APBB1: variants seen among roughly 807,000 people sequenced by gnomAD.
The protein encoded by APBB1 is amyloid beta precursor protein binding family B member 1, also known as adaptor protein FE65a2.
Under a neutral mutation model 78.4 loss-of-function variants are expected in APBB1, and 22 were observed. The observed-to-expected ratio is 0.28, with a 90% CI of 0.20 to 0.40. The LOEUF (loss-of-function observed/expected upper bound fraction) is 0.40, where lower values mean the gene tolerates loss of function less well. Ranked by LOEUF, APBB1 falls within the 10% of genes least tolerant of loss-of-function variation. APBB1 has a pLI of 1.00. For missense variants in APBB1, 749 were observed against 932.4 expected (o/e 0.80, Z 2.56); for synonymous variants, 369 against 372.7 (o/e 0.99, Z 0.12).
intron 2 of APBB1, chr11:6,404,848 C>A (rs1271069408): frequency 6.5e-7 from 1 of 1,531,614 alleles, no homozygotes; most frequent in Admixed American, 2.0e-5. Context: ...CACAGCCCCT[C>A]CAGCCCAGCC....
At chr11:6,412,604 C>T (rs934942325) in intron 1 of APBB1, among the ~76,000 whole-genome samples, 5 of 152,206 alleles carry the variant, frequency 3.3e-5, no homozygotes, top group Non-Finnish European at 7.3e-5. Flanking sequence ...TTATTATTTA[C>T]TTTGTCTAAT....
Position 6,402,663 on chromosome 11 carries a change from G to T in APBB1, c.1167C>A (p.Arg389=), listed in dbSNP as rs942342449. 12 of 1,614,152 alleles carry T rather than the reference G, an allele frequency of 7.4e-6. No individual in the cohort carries two copies. The highest frequency in any genetic ancestry group is 1.0e-5 in the Non-Finnish European group (12 of 1,180,030). The change falls in exon 7 of 15, where the codon CGC becomes CGA. Residue 389 remains arginine (R), a synonymous_variant. Coordinates refer to ENST00000609360, the MANE Select transcript of APBB1 (RefSeq NM_001164.5). ...EMTEEELAPG[R]SSVAVNNCIR... ...TGCAATTGTTGACTGCCACACTGCT[G>T]CGTCCAGGGGCCAGCTCCTCCTCGG... is the stretch of plus-strand genomic sequence containing the variant.
chr11:6,400,849 G>A (rs1365060012), intron 12 of APBB1, 140 bp downstream of exon 12: 1 of 806,876 alleles, frequency 1.2e-6, no homozygotes, highest in Middle Eastern at 2.7e-4. Context: ...CAGAAGTATG[G>A]GGAGGTGGGA....
rs775826996 is a variant in APBB1 at position 6,401,566 on chromosome 11, G to A, written c.1503+8C>T. The A allele has an allele frequency of 1.2e-6, 2 of 1,614,184 alleles. No individual in the cohort carries two copies. The highest frequency in any genetic ancestry group is 1.7e-5 in the Admixed American group (1 of 60,034). ...GGCAACTAGTCCAGGGAGTGGAGGG[G>A]GCCGTGCCTTAGAGCAGATCTCATG... On this transcript the variant is annotated splice_region_variant and intron_variant, in intron 10 of 14. Coordinates refer to ENST00000609360, the MANE Select transcript of APBB1 (RefSeq NM_001164.5). This position sits in a 1 kb window ranked among gnomAD's most constrained non-coding sequence, Gnocchi z 4.5.
Position 6,395,382 on chromosome 11 carries a change from C to G in APBB1, c.*152G>C. ...CCTTGAAGGGATTAGATCTCTCCCTCCCCAGCTCCTAGGCAGGGAACCGTA... is the reference window on the plus strand; with the variant it reads ...CCTTGAAGGGATTAGATCTCTCCCTGCCCAGCTCCTAGGCAGGGAACCGTA... On this transcript the variant is annotated 3_prime_UTR_variant, in exon 15 of 15. Transcript: ENST00000609360. This position sits in a 1 kb window ranked among gnomAD's most constrained non-coding sequence, Gnocchi z 5.2. 1.2e-6 allele frequency: 1 copy of G among 804,410 alleles called. No individual in the cohort carries two copies. Among genetic ancestry groups the G allele is most frequent in the Non-Finnish European group, 1.9e-6 (1 of 539,122 alleles). The allele number at this position is 804,410 out of a possible 1,614,324, so 49.8% of individuals were successfully genotyped here. A position where few individuals can be genotyped will look rare whatever the true frequency, so the allele number is the denominator to read the frequency against.
At chr11:6,412,884 G>C (rs868309800) in intron 1 of APBB1, among the ~76,000 whole-genome samples, 1 of 152,040 alleles carries the variant, frequency 6.6e-6, no homozygotes, top group South Asian at 2.1e-4. Flanking sequence ...GTAAGAGGAC[G>C]TCCTGTTCCG....
chr11:6,404,642 G>A (rs1225371394), intron 2 of APBB1: 2 of 1,536,282 alleles, frequency 1.3e-6, no homozygotes, highest in African/African-American at 2.7e-5. Flanking sequence ...TCTGCCGGCA[G>A]AGCCACACCA....
chr11:6,404,456 C>A, intron 2 of APBB1: 2 of 916,818 alleles, frequency 2.2e-6, no homozygotes, highest in Non-Finnish European at 3.3e-6. Flanking sequence ...CCCCAACACA[C>A]GTGTGGGTAC....
Position 6,401,906 on chromosome 11 carries a change from G to GACCCCTTCC in APBB1, c.1388+70_1388+71insGGAAGGGGT, listed in dbSNP as rs1848536314. 5 of 1,548,468 alleles carry GACCCCTTCC rather than the reference G, an allele frequency of 3.2e-6. No individual in the cohort carries two copies. The highest frequency in any genetic ancestry group is 4.4e-6 in the Non-Finnish European group (5 of 1,148,536). On this transcript the variant is annotated intron_variant, in intron 9 of 14. Transcript: ENST00000609360. This position sits in a 1 kb window ranked among gnomAD's most constrained non-coding sequence, Gnocchi z 4.5. ...AGCATAGCGGGTGGGAAGGGGCAGG[G>GACCCCTTCC]CAGAAGAGGGGAGCTTGGGTGCTTC...
At chr11:6,399,704 ACT>A (rs1444646054) in intron 12 of APBB1, among the ~76,000 whole-genome samples, 2 of 152,186 alleles carry the variant, frequency 1.3e-5, no homozygotes, top group African/African-American at 4.8e-5. Context: ...AGGCAAGTGC[ACT>A]CTCGGAGACT....
At position 6,411,982 on chromosome 11, in the gene APBB1, T is replaced by C. The variant is rs1848977279; in HGVS notation, c.-14-621A>G. Among the ~76,000 whole-genome samples, 1 of 152,228 alleles carries C rather than the reference T, an allele frequency of 6.6e-6. No homozygotes were observed. Among genetic ancestry groups the C allele is most frequent in the Non-Finnish European group, 1.5e-5 (1 of 68,042 alleles). ...AGGGAGGGCGCTCGGCTGCAATTCA[T>C]GGCTTCTCTGGCCAGATGAAGCTAC... is the stretch of plus-strand genomic sequence containing the variant. On this transcript the variant is annotated intron_variant, in intron 1 of 14. Coordinates refer to ENST00000609360, the MANE Select transcript of APBB1 (RefSeq NM_001164.5). This position sits in a 1 kb window ranked among gnomAD's most constrained non-coding sequence, Gnocchi z 5.2.
Position 6,395,706 on chromosome 11 carries a change from G to T in APBB1, c.1966-5C>A. ...CAGACACTTCTGGTAGCGAAGCTGC[G>T]GAGGCAAGCAGGGCAGTCACTCCCC... is the stretch of plus-strand genomic sequence containing the variant. On this transcript the variant is annotated splice_polypyrimidine_tract_variant and splice_region_variant and intron_variant, in intron 14 of 14. Coordinates refer to ENST00000609360, the MANE Select transcript of APBB1 (RefSeq NM_001164.5). This position sits in a 1 kb window ranked among gnomAD's most constrained non-coding sequence, Gnocchi z 5.2. The T allele has an allele frequency of 6.3e-7, 1 of 1,588,370 alleles. No individual in the cohort carries two copies. The highest frequency in any genetic ancestry group is 2.2e-5 in the East Asian group (1 of 44,584).
chr11:6,410,680 C>T lies in APBB1; in HGVS notation c.668G>A (p.Ser223Asn). Residue 223 changes from serine to asparagine, a missense_variant, in exon 2 of 15, where the codon AGC (serine) becomes AAC (asparagine). Ser to Asn is a conservative substitution (Grantham distance 46, BLOSUM62 1). Transcript: ENST00000609360. The part of the protein sequence containing the change: ...RNSAASDEDS[S>N]WATLSQGSPS... Reference sequence around the variant, plus strand: ...GCTGCCCTGGGATAAGGTAGCCCAGCTTGAGTCCTCATCACTGGCTGCACT... The same window carrying T: ...GCTGCCCTGGGATAAGGTAGCCCAGTTTGAGTCCTCATCACTGGCTGCACT... 5 of 1,524,030 alleles carry T rather than the reference C, an allele frequency of 3.3e-6. No homozygotes were observed. The highest frequency in any genetic ancestry group is 4.4e-6 in the Non-Finnish European group (5 of 1,136,390). 94.4% of individuals were successfully genotyped at this position (1,524,030 alleles called of 1,614,324 possible).
At position 6,395,265 on chromosome 11, in the gene APBB1, T is replaced by A; in HGVS notation, c.*269A>T. ...GAGGATGAGGCCTGGCCTGGACCAG[T>A]TCCTCCTGTTCCACCTGAAACACAT... On this transcript the variant is annotated 3_prime_UTR_variant, in exon 15 of 15. Transcript: ENST00000609360. This position sits in a 1 kb window ranked among gnomAD's most constrained non-coding sequence, Gnocchi z 5.2. 1 of 359,234 alleles carries A rather than the reference T, an allele frequency of 2.8e-6. No individual in the cohort carries two copies. Among genetic ancestry groups the A allele is most frequent in the Non-Finnish European group, 5.0e-6 (1 of 198,990 alleles). 22.3% of individuals were successfully genotyped at this position (359,234 alleles called of 1,614,324 possible).
At chr11:6,418,430 G>T (rs1221954481) in intron 1 of APBB1, among the ~76,000 whole-genome samples, 1 of 152,198 alleles carries the variant, frequency 6.6e-6, no homozygotes, top group African/African-American at 2.4e-5. Context: ...ATAGCTAGAG[G>T]GGCTCAGAAT....
intron 6 of APBB1, 58 bp from the exon 7 acceptor site, chr11:6,402,783 C>T (rs1406279738): frequency 1.9e-6 from 3 of 1,604,112 alleles, no homozygotes; most frequent in Non-Finnish European, 2.6e-6. Context: ...CTGGAGAGTT[C>T]CTGACTACAG....
At chr11:6,419,295 G>A (rs2134120008), upstream of APBB1, 1 of 271,886 alleles carries the variant, frequency 3.7e-6, no homozygotes, top group South Asian at 1.7e-4. Context: ...CGACTCCCTG[G>A]GACCCCCGCC....
intron 6 of APBB1, 36 bp from the exon 7 acceptor site, chr11:6,402,761 T>G (rs1290251662): frequency 6.2e-7 from 1 of 1,612,658 alleles, no homozygotes; most frequent in South Asian, 1.1e-5. Context: ...AGGTAGAGGA[T>G]CTGAGTCAAA....
chr11:6,401,841 G>C lies in APBB1; in HGVS notation c.1388+136C>G. 1 of 1,431,116 alleles carries C rather than the reference G, an allele frequency of 7.0e-7. No individual in the cohort carries two copies. Among genetic ancestry groups the C allele is most frequent in the South Asian group, 1.2e-5 (1 of 84,126 alleles). The allele number at this position is 1,431,116 out of a possible 1,614,324, so 88.7% of individuals were successfully genotyped here. On this transcript the variant is annotated intron_variant, in intron 9 of 14. Coordinates refer to ENST00000609360, the MANE Select transcript of APBB1 (RefSeq NM_001164.5). The surrounding 1 kb of genome is among the most constrained non-coding windows in gnomAD (Gnocchi z 4.5). ...AGGTGCTGCCTTCTTGGGGGGGAGG[G>C]GTAGACAGGCAAGCATGCTGAGGTG... is the stretch of plus-strand genomic sequence containing the variant.
Sources: allele counts gnomAD v4.1 joint callset (sites outside exome capture counted in the v4.1 genomes callset), GRCh38; gene constraint gnomAD v4.1.1; non-coding constraint Gnocchi (gnomAD v3.1); transcripts MANE v1.5; gene names NCBI Gene and HGNC (gene_info 2026-07-23, HGNC 2026-07-21).